Variants in DYNC2H1 observed in about 807,000 individuals in gnomAD.
DYNC2H1 encodes dynein cytoplasmic 2 heavy chain 1, also known as cytoplasmic dynein 2 heavy chain 1.
Under a neutral mutation model 570.0 loss-of-function variants are expected in DYNC2H1, and 410 were observed. The ratio of observed to expected loss-of-function variants is 0.72; its 90% CI spans 0.66 to 0.78. The LOEUF is 0.78. Among genes scored for constraint, DYNC2H1 ranks in the 30% least tolerant of loss-of-function variants. The pLI is 0.00. For synonymous variants in DYNC2H1, 1,688 were observed against 1,677.6 expected (o/e 1.01, Z -0.15); for missense variants, 4,865 against 5,046.4 (o/e 0.96, Z 1.09).
intron 84 of DYNC2H1, among the ~76,000 whole-genome samples, chr11:103,411,950 T>C (rs1437806002): frequency 2.6e-5 from 4 of 152,144 alleles, no homozygotes; most frequent in African/African-American, 9.6e-5. Flanking sequence ...AAAAATGTGT[T>C]TTACAAAGCA....
At chr11:103,341,011 AAGC>A (rs979319096) in intron 82 of DYNC2H1, among the ~76,000 whole-genome samples, 2 of 152,118 alleles carry the variant, frequency 1.3e-5, no homozygotes, top group African/African-American at 4.8e-5. Flanking sequence ...GAGGAACACA[AAGC>A]TGTAACATGA....
chr11:103,458,673 TA>T (rs5794241), intron 87 of DYNC2H1, among the ~76,000 whole-genome samples: 82,224 of 151,802 alleles, frequency 0.54, 23,110 homozygotes, highest in African/African-American at 0.7. Context: ...TTTTTCCTGT[TA>T]AAAATCCATT....
intron 17 of DYNC2H1, among the ~76,000 whole-genome samples, chr11:103,142,474 A>T (rs1860000086): frequency 6.6e-6 from 1 of 152,190 alleles, no homozygotes; most frequent in Non-Finnish European, 1.5e-5. Flanking sequence ...GTTTGAGACC[A>T]GCCTCGTCAA....
intron 13 of DYNC2H1, among the ~76,000 whole-genome samples, chr11:103,132,649 G>GTGT (rs1565326208): frequency 6.7e-6 from 1 of 148,510 alleles, no homozygotes; most frequent in Non-Finnish European, 1.5e-5. Context: ...GAGGGTTGGG[G>GTGT]GTGTGTGTGT....
chr11:103,431,854 C>CT (rs1469854919), intron 84 of DYNC2H1, among the ~76,000 whole-genome samples: 1 of 152,104 alleles, frequency 6.6e-6, no homozygotes, highest in Non-Finnish European at 1.5e-5. Context: ...ATTCATTCAA[C>CT]TTTTGAAGTA....
chr11:103,331,205 A>G (rs184966521), intron 82 of DYNC2H1, among the ~76,000 whole-genome samples: 76 of 152,354 alleles, frequency 5.0e-4, no homozygotes, highest in Non-Finnish European at 3.8e-4. Context: ...TAAAAAATAA[A>G]TTCTTAATAG....
At chr11:103,345,059 G>C (rs926500717) in intron 82 of DYNC2H1, among the ~76,000 whole-genome samples, 1 of 152,046 alleles carries the variant, frequency 6.6e-6, no homozygotes, top group African/African-American at 2.4e-5. Context: ...ATGCATTTGT[G>C]CCCAAAAACA....
intron 83 of DYNC2H1, among the ~76,000 whole-genome samples, chr11:103,370,391 G>T (rs1941097209): frequency 1.3e-5 from 2 of 152,202 alleles, no homozygotes; most frequent in Non-Finnish European, 1.5e-5. Context: ...ATGGCTTGGG[G>T]AAGCTCACCA....
chr11:103,257,937 G>A (rs1340910185), intron 69 of DYNC2H1, among the ~76,000 whole-genome samples, 186 bp downstream of exon 69: 1 of 152,092 alleles, frequency 6.6e-6, no homozygotes, highest in Non-Finnish European at 1.5e-5. Flanking sequence ...TTAACAAGGT[G>A]TCCCAATGTG....
At chr11:103,316,442 T>C in intron 79 of DYNC2H1, 103 bp from the exon 80 acceptor site, 7 of 696,678 alleles carry the variant, frequency 1.0e-5, no homozygotes. Flanking sequence ...GAGTTATATA[T>C]TTTTAAGTCT....
At position 103,280,301 on chromosome 11, in the gene DYNC2H1, A is replaced by T; in HGVS notation, c.10696-47A>T. ...AATTTTAACGACTATGCTTTTCCAA[A>T]GACACAAATTTTTAAAAGGCAAGAT... On this transcript the variant is annotated intron_variant, in intron 70 of 88. Transcript: ENST00000375735. This position sits in a 1 kb window ranked among gnomAD's most constrained non-coding sequence, Gnocchi z 4.7. The T allele has an allele frequency of 6.5e-7, 1 of 1,540,548 alleles. No homozygotes were observed.
intron 82 of DYNC2H1, among the ~76,000 whole-genome samples, chr11:103,346,013 T>A (rs769720555): frequency 3.5e-4 from 53 of 152,306 alleles, no homozygotes; most frequent in Admixed American, 9.2e-4. Context: ...ACTTTGAAGT[T>A]CCAGAATTGT....
At chr11:103,183,444 A>G (rs1861935487) in intron 40 of DYNC2H1, among the ~76,000 whole-genome samples, 1 of 151,744 alleles carries the variant, frequency 6.6e-6, no homozygotes. Context: ...TTCAGTTAGG[A>G]AAAAAAATGG....
At chr11:103,410,510 C>T (rs7950495) in intron 84 of DYNC2H1, among the ~76,000 whole-genome samples, 44,823 of 151,956 alleles carry the variant, frequency 0.29, 6,662 homozygotes, top group South Asian at 0.35. Flanking sequence ...AGAACAGGCT[C>T]CCCTAGAGGG....
intron 29 of DYNC2H1, among the ~76,000 whole-genome samples, chr11:103,161,325 A>G (rs1168212873): frequency 6.6e-6 from 1 of 152,112 alleles, no homozygotes; most frequent in African/African-American, 2.4e-5. Flanking sequence ...CCACAACTTA[A>G]TAGCTATGTG....
At chr11:103,226,379 G>C (rs1863802218) in intron 59 of DYNC2H1, among the ~76,000 whole-genome samples, 1 of 152,094 alleles carries the variant, frequency 6.6e-6, no homozygotes, top group Admixed American at 6.6e-5. Context: ...ATTACCTTAA[G>C]GTATGTCCCT....
At position 103,325,704 on chromosome 11, in the gene DYNC2H1, C is replaced by G. The variant is rs1162259918; in HGVS notation, c.12039+1714C>G. 2.6e-5 allele frequency among the ~76,000 whole-genome samples: 4 copies of G among 151,218 alleles called. 1 individual carries two copies. The East Asian group carries it at 7.9e-4, about 30-fold the overall frequency. ...TTCAGTTTGGTTCTTCCTTAAAATG[C>G]CTGTTTCATTTTTGAGCTCTTGGAT... On this transcript the variant is annotated intron_variant, in intron 82 of 88. Coordinates refer to ENST00000375735, the MANE Select transcript of DYNC2H1 (RefSeq NM_001377.3). This position sits in a 1 kb window ranked among gnomAD's most constrained non-coding sequence, Gnocchi z 4.8.
Position 103,277,907 on chromosome 11 carries a change from ATAT to A in DYNC2H1, c.10696-2439_10696-2437del, listed in dbSNP as rs944299426. ...GAGCATGGGCACTTTTTTCTGGTTC[ATAT>A]TTTTGCTGATAATGTAATTCTTTAA... On this transcript the variant is annotated intron_variant, in intron 70 of 88. Transcript: ENST00000375735. The surrounding 1 kb of genome is among the most constrained non-coding windows in gnomAD (Gnocchi z 4.3). Among the ~76,000 whole-genome samples, 1 of 152,152 alleles carries A rather than the reference ATAT, an allele frequency of 6.6e-6. No individual in the cohort carries two copies. The highest frequency in any genetic ancestry group is 2.4e-5 in the African/African-American group (1 of 41,458).
At position 103,116,720 on chromosome 11, in the gene DYNC2H1, A is replaced by T; in HGVS notation, c.766+6A>T. 1 of 1,574,954 alleles carries T rather than the reference A, an allele frequency of 6.3e-7. No individual in the cohort carries two copies. The highest frequency in any genetic ancestry group is 1.4e-5 in the African/African-American group (1 of 73,264). The stretch of plus-strand genomic sequence containing the variant: ...GCATCTCTTAGACATCATAGGTACT[A>T]GTAAAAAAATGAACTTTTGGAATTT... On this transcript the variant is annotated splice_donor_region_variant and intron_variant, in intron 5 of 88. Coordinates refer to ENST00000375735, the MANE Select transcript of DYNC2H1 (RefSeq NM_001377.3).
Sources: gnomAD v4.1 joint callset for allele counts (sites outside exome capture counted in the v4.1 genomes callset) on GRCh38, gnomAD v4.1.1 for gene constraint, Gnocchi (gnomAD v3.1) non-coding constraint, MANE v1.5 for transcripts, NCBI Gene and HGNC (gene_info 2026-07-23, HGNC 2026-07-21) for gene names.